Variants in RGS6 observed in about 807,000 individuals in gnomAD.
The protein encoded by RGS6 is regulator of G protein signaling 6.
A neutral mutation model predicts 78.5 loss-of-function variants in RGS6; 30 were observed. The observed-to-expected ratio is 0.38, with a 90% CI of 0.29 to 0.52. RGS6 has a LOEUF of 0.52. Among genes scored for constraint, RGS6 ranks in the 20% least tolerant of loss-of-function variants. The pLI is 0.85. For synonymous variants in RGS6, 206 were observed against 206.0 expected (o/e 1.00, Z 0.00); for missense variants, 495 against 609.7 (o/e 0.81, Z 1.98).
At chr14:71,898,045 G>A in the RGS6 span, among the ~76,000 whole-genome samples, 1 of 150,774 alleles carries the variant, frequency 6.6e-6, no homozygotes, top group Non-Finnish European at 1.5e-5. Flanking sequence ...TGGGTACAAA[G>A]TGATTTTTGC....
At chr14:71,923,190 T>C in the RGS6 span, among the ~76,000 whole-genome samples, 1 of 152,210 alleles carries the variant, frequency 6.6e-6, no homozygotes, top group South Asian at 2.1e-4. Flanking sequence ...GAGGTGGGAT[T>C]AGGTGTTCTC....
intron 2 of RGS6, among the ~76,000 whole-genome samples, chr14:72,063,395 G>A (rs1182965566): frequency 1.3e-5 from 2 of 152,164 alleles, no homozygotes; most frequent in Non-Finnish European, 2.9e-5. Flanking sequence ...ACAGGATATA[G>A]CAGCATGGAG....
intron 2 of RGS6, among the ~76,000 whole-genome samples, chr14:72,126,789 G>A (rs541090098): frequency 2.6e-5 from 4 of 152,266 alleles, no homozygotes; most frequent in Non-Finnish European, 5.9e-5. Flanking sequence ...ATACAGCTGA[G>A]TCAATAAGGA....
chr14:72,318,856 G>A (rs2071058994), intron 2 of RGS6, among the ~76,000 whole-genome samples: 1 of 152,212 alleles, frequency 6.6e-6, no homozygotes, highest in Non-Finnish European at 1.5e-5. Context: ...TGTGTGTATA[G>A]GAAGCAGTCC....
chr14:72,110,569 C>T (rs1447211947), intron 2 of RGS6, among the ~76,000 whole-genome samples: 2 of 152,158 alleles, frequency 1.3e-5, no homozygotes, highest in African/African-American at 4.8e-5. Context: ...TTTCCATTCC[C>T]CTCTCTACTA....
intron 2 of RGS6, among the ~76,000 whole-genome samples, chr14:72,286,465 T>C (rs2062570759): frequency 6.6e-6 from 1 of 152,200 alleles, no homozygotes; most frequent in Non-Finnish European, 1.5e-5. Flanking sequence ...TTTGTTCTTC[T>C]TTCTCAAGAT....
At chr14:72,245,544 G>T (rs1240424720) in intron 2 of RGS6, among the ~76,000 whole-genome samples, 3 of 152,252 alleles carry the variant, frequency 2.0e-5, no homozygotes, top group Non-Finnish European at 1.5e-5. Context: ...TGTGGCTTGA[G>T]AATGCCTTTA....
chr14:71,965,348 T>A (rs1048791826), intron 2 of RGS6, among the ~76,000 whole-genome samples: 1 of 152,128 alleles, frequency 6.6e-6, no homozygotes, highest in Non-Finnish European at 1.5e-5. Context: ...GCAAGTAGAG[T>A]GTTACATAAT....
intron 8 of RGS6, 47 bp downstream of exon 8, chr14:72,470,130 A>G: frequency 1.4e-6 from 2 of 1,408,684 alleles, no homozygotes; most frequent in Non-Finnish European, 2.0e-6. Flanking sequence ...AAGACTCTGG[A>G]ATTTGGAAAT....
chr14:72,298,625 T>A (rs566199263), intron 2 of RGS6, among the ~76,000 whole-genome samples: 3 of 151,868 alleles, frequency 2.0e-5, no homozygotes, highest in African/African-American at 7.3e-5. Flanking sequence ...TTTTTTTGTA[T>A]TTTTAGTAGA....
At chr14:72,447,320 A>G (rs1042546077) in intron 3 of RGS6, among the ~76,000 whole-genome samples, 1 of 152,124 alleles carries the variant, frequency 6.6e-6, no homozygotes, top group African/African-American at 2.4e-5. Context: ...ATCACAGAAA[A>G]GCTGCTGGGC....
intron 2 of RGS6, among the ~76,000 whole-genome samples, chr14:72,257,703 G>A (rs1258468580): frequency 6.6e-6 from 1 of 152,068 alleles, no homozygotes; most frequent in South Asian, 2.1e-4. Flanking sequence ...CAATAGCTGA[G>A]GAGCCCTGAG....
At chr14:72,450,123 C>T (rs1301391383) in intron 3 of RGS6, among the ~76,000 whole-genome samples, 1 of 152,020 alleles carries the variant, frequency 6.6e-6, no homozygotes, top group Non-Finnish European at 1.5e-5. Flanking sequence ...CTAAAGTTAA[C>T]AATTTAAATA....
chr14:71,962,285 G>A (rs2093256271), intron 1 of RGS6, among the ~76,000 whole-genome samples: 1 of 152,114 alleles, frequency 6.6e-6, no homozygotes, highest in African/African-American at 2.4e-5. Context: ...GTGGGAGGGG[G>A]TGGCTGGGCA....
At chr14:72,452,679 G>C (rs1261180032) in intron 3 of RGS6, among the ~76,000 whole-genome samples, 4 of 152,148 alleles carry the variant, frequency 2.6e-5, no homozygotes, top group African/African-American at 7.2e-5. Flanking sequence ...TCAGACCCAC[G>C]GTAGGACTCT....
chr14:72,550,889 G>C (rs922118944), intron 17 of RGS6, among the ~76,000 whole-genome samples: 6 of 152,098 alleles, frequency 3.9e-5, no homozygotes, highest in African/African-American at 1.4e-4. Flanking sequence ...GCCTAGGCTG[G>C]AGTGCAGTGG....
At chr14:71,953,074 G>T (rs1348195442) in intron 1 of RGS6, among the ~76,000 whole-genome samples, 1 of 152,164 alleles carries the variant, frequency 6.6e-6, no homozygotes, top group Non-Finnish European at 1.5e-5. Context: ...CCAATAGTCA[G>T]TAGTATTAGA....
In RGS6 at chr14:72,047,505, G is replaced by A. The variant is rs184347881; in HGVS notation, c.84+82630G>A. 2.8e-3 allele frequency among the ~76,000 whole-genome samples: 419 copies of A among 152,290 alleles called. 14 individuals are homozygous for A. Among genetic ancestry groups the A allele is most frequent in the Admixed American group, 0.021 (320 of 15,304 alleles). On this transcript the variant is annotated intron_variant, in intron 2 of 17. Transcript: ENST00000553525. Reference sequence around the variant, plus strand: ...CAGCTTCATCATACAGACATACTTTGTCAGATTGGTTAGCCAGGCAAGTGA... The same window carrying A: ...CAGCTTCATCATACAGACATACTTTATCAGATTGGTTAGCCAGGCAAGTGA...
At position 72,353,778 on chromosome 14, in the gene RGS6, G is replaced by A. The variant is rs547864587; in HGVS notation, c.184+1584G>A. 9.6e-4 allele frequency among the ~76,000 whole-genome samples: 146 copies of A among 151,928 alleles called. 1 individual carries two copies. The highest frequency in any genetic ancestry group is 3.3e-3 in the African/African-American group (136 of 41,410). On this transcript the variant is annotated intron_variant, in intron 3 of 17. Transcript: ENST00000553525. ...TAGGGGGATCACCTGAGGTCAGGGG[G>A]TTGAGACCACCTTGGCCAACATGGC...
Sources: gnomAD v4.1 joint callset for allele counts (sites outside exome capture counted in the v4.1 genomes callset) on GRCh38, gnomAD v4.1.1 for gene constraint, MANE v1.5 for transcripts, NCBI Gene and HGNC (gene_info 2026-07-23, HGNC 2026-07-21) for gene names.